Variants in IRF7 observed in about 807,000 individuals in gnomAD.
IRF7 encodes the protein interferon regulatory factor-7H.
In IRF7, 67 loss-of-function variants were observed where a neutral mutation model predicts 51.3. The ratio of observed to expected loss-of-function variants is 1.31; its 90% CI spans 1.07 to 1.60. The LOEUF (loss-of-function observed/expected upper bound fraction) is 1.60. Among genes scored for constraint, IRF7 ranks in the 40% most tolerant of loss-of-function variants. The pLI, the probability that IRF7 is intolerant of heterozygous loss-of-function variation, is 0.00. For synonymous variants in IRF7, 427 were observed against 301.3 expected (o/e 1.42, Z -4.32); for missense variants, 873 against 701.5 (o/e 1.24, Z -2.76).
intron 6 of IRF7, 43 bp from the exon 7 acceptor site, chr11:614,080 T>G (rs1856659073): frequency 1.9e-6 from 3 of 1,584,390 alleles, no homozygotes; most frequent in Non-Finnish European, 2.6e-6. Flanking sequence ...CCCTCCTAAT[T>G]CTCCAGCTCC....
rs539802829 is a variant in IRF7, at chr11:614,111, A to G, written c.679+63T>C. 7.8e-5 allele frequency: 123 copies of G among 1,579,400 alleles called. No homozygotes were observed. The South Asian group carries it at 1.3e-3, about 16-fold the overall frequency. On this transcript the variant is annotated intron_variant, in intron 6 of 10. Coordinates refer to ENST00000525445, the MANE Select transcript of IRF7 (RefSeq NM_001572.5). Reference sequence around the variant, plus strand: ...GCTCCCCAATCCCCAGCCCCCTTCTAAAGTGTCCGTCCAGGTGCACTGGCC... The same window carrying G: ...GCTCCCCAATCCCCAGCCCCCTTCTGAAGTGTCCGTCCAGGTGCACTGGCC...
intron 10 of IRF7, 73 bp from the exon 11 acceptor site, chr11:612,873 G>C (rs1382085498): frequency 7.6e-6 from 12 of 1,587,998 alleles, no homozygotes; most frequent in Non-Finnish European, 1.0e-5. Context: ...GGCTCTGAGG[G>C]CGTCGGGCGT....
intron 10 of IRF7, 64 bp from the exon 11 acceptor site, chr11:612,864 G>A: frequency 6.3e-7 from 1 of 1,589,418 alleles, no homozygotes; most frequent in Non-Finnish European, 8.6e-7. Context: ...CCCTCCCCAG[G>A]CTCTGAGGGC....
In IRF7 at chr11:615,204, A is replaced by T. The variant is rs1856769801; in HGVS notation, c.76T>A (p.Cys26Ser). Residue 26 changes from cysteine (C) to serine (S), a missense_variant, in exon 3 of 11, where the codon TGC becomes AGC. Cys to Ser is a moderately radical substitution (Grantham distance 112). Coordinates refer to ENST00000525445, the MANE Select transcript of IRF7 (RefSeq NM_001572.5). Reference sequence around the variant, plus strand: ...TCCAGCCACTGCAGCCCCTCATAGCAGCCGCTGCTGATCTCTCCAAGGAGC... The same window carrying T: ...TCCAGCCACTGCAGCCCCTCATAGCTGCCGCTGCTGATCTCTCCAAGGAGC... The part of the protein sequence containing the change: ...EWLLGEISSG[C>S]YEGLQWLDEA... The T allele has an allele frequency of 1.2e-6, 2 of 1,600,656 alleles. No homozygotes were observed. The highest frequency in any genetic ancestry group is 1.7e-6 in the Non-Finnish European group (2 of 1,177,380).
chr11:615,519 C>A lies in IRF7; in HGVS notation c.-155G>T. On this transcript the variant is annotated 5_prime_UTR_variant, in exon 2 of 11. Transcript: ENST00000525445. ...TGGACTGAGGGCTTGTAGCCACCGA[C>A]GCTGCCTCGGTATGGATCTCTTGGC... The A allele has an allele frequency of 1.2e-6, 1 of 811,560 alleles. No individual in the cohort carries two copies. 50.3% of individuals were successfully genotyped at this position (811,560 alleles called of 1,614,324 possible).
At position 613,814 on chromosome 11, in the gene IRF7, G is replaced by C. The variant is rs1204186673; in HGVS notation, c.818C>G (p.Pro273Arg). The C allele has an allele frequency of 6.3e-7, 1 of 1,578,698 alleles. No individual in the cohort carries two copies. Among genetic ancestry groups the C allele is most frequent in the Non-Finnish European group, 8.6e-7 (1 of 1,169,314 alleles). Residue 273 changes from proline (P) to arginine (R), a missense_variant, in exon 8 of 11, where the codon CCC becomes CGC. Physicochemically the swap from Pro to Arg is moderately radical, Grantham distance 103. Coordinates refer to ENST00000525445, the MANE Select transcript of IRF7 (RefSeq NM_001572.5). ...CACCGCGGTGCAGGCGCTTGGGGAG[G>C]GTGACAGGTACGGCTCTGCCTGGTG... is the stretch of plus-strand genomic sequence containing the variant. ...SPHQAEPYLS[P>R]SPSACTAVQE...
At chr11:615,670 G>A (rs994788584) in intron 1 of IRF7, 23 bp from the exon 2 acceptor site, 15 of 394,928 alleles carry the variant, frequency 3.8e-5, no homozygotes, top group Non-Finnish European at 5.8e-5. Context: ...GAAAGGCGAC[G>A]TCAGGGGCGG....
At position 613,501 on chromosome 11, in the gene IRF7, G is replaced by A. The variant is rs763403132; in HGVS notation, c.942C>T (p.Tyr314=). The A allele has an allele frequency of 1.9e-6, 3 of 1,552,362 alleles. No individual in the cohort carries two copies. The highest frequency in any genetic ancestry group is 1.7e-6 in the Non-Finnish European group (2 of 1,152,088). The change falls in exon 9 of 11, where the codon TAC becomes TAT. Residue 314 remains tyrosine (Y), a synonymous_variant. Transcript: ENST00000525445. The part of the protein sequence containing the change: ...VVGHPSCTFL[Y]GPPDPAVRAT... ...CCCGGACAGCTGGGTCTGGGGGGCCGTATAGGAACGTGCAGCTCGGGTGTC... is the reference window on the plus strand; with the variant it reads ...CCCGGACAGCTGGGTCTGGGGGGCCATATAGGAACGTGCAGCTCGGGTGTC...
At chr11:614,748 T>C (rs1466428581) in intron 4 of IRF7, 49 bp downstream of exon 4, 35 of 1,500,358 alleles carry the variant, frequency 2.3e-5, no homozygotes, top group Non-Finnish European at 3.1e-5. Flanking sequence ...TGTTCCCCTT[T>C]GCCCAAGCAG....
rs1856773081 is a variant in IRF7, at chr11:615,248, C to G, written c.32G>C (p.Arg11Pro). 6.3e-7 allele frequency: 1 copy of G among 1,582,624 alleles called. No individual in the cohort carries two copies. The highest frequency in any genetic ancestry group is 8.6e-7 in the Non-Finnish European group (1 of 1,169,550). The stretch of plus-strand genomic sequence containing the variant: ...AAGGAGCCACTCTCCGAACAGCACG[C>G]GTGGGGCTGCCCTGCGGGTGCCCGG... MALAPERAAP[R>P]VLFGEWLLGE... is the part of the protein sequence containing the mutation. Residue 11 changes from arginine (R) to proline (P), a missense_variant, in exon 3 of 11, where the codon CGC becomes CCC. Arg to Pro is a moderately radical substitution (Grantham distance 103). Coordinates refer to ENST00000525445, the MANE Select transcript of IRF7 (RefSeq NM_001572.5).
At chr11:612,900 G>A in intron 10 of IRF7, 99 bp downstream of exon 10, 1 of 1,587,530 alleles carries the variant, frequency 6.3e-7, no homozygotes, top group Admixed American at 1.7e-5. Flanking sequence ...GTGACCCGGT[G>A]TATGGCCTCC....
intron 8 of IRF7, 43 bp downstream of exon 8, chr11:613,742 G>C: frequency 9.3e-7 from 1 of 1,080,090 alleles, no homozygotes; most frequent in East Asian, 3.6e-5. Flanking sequence ...GTGAGTGACG[G>C]GGGTGGGCGG....
intron 8 of IRF7, 25 bp downstream of exon 8, chr11:613,760 C>T (rs752185452): frequency 2.7e-6 from 4 of 1,486,390 alleles, no homozygotes; most frequent in African/African-American, 1.4e-5. Context: ...CGGGGACAGG[C>T]TGCCCCTTCC....
In IRF7 at chr11:613,533, C is replaced by T. The variant is rs1377860641; in HGVS notation, c.910G>A (p.Val304Met). 6.4e-7 allele frequency: 1 copy of T among 1,572,164 alleles called. No individual in the cohort carries two copies. Among genetic ancestry groups the T allele is most frequent in the South Asian group, 1.2e-5 (1 of 84,118 alleles). ...AACGTGCAGCTCGGGTGTCCCACCA[C>T]CTTCTGCAGCACCGTGCGGCCCTTG... ...MYKGRTVLQK[V>M]VGHPSCTFLY... is the part of the protein sequence containing the mutation. Residue 304 changes from valine to methionine, a missense_variant, in exon 9 of 11, where the codon GTG (valine) becomes ATG (methionine). Val to Met is a conservative substitution (Grantham distance 21). Coordinates refer to ENST00000525445, the MANE Select transcript of IRF7 (RefSeq NM_001572.5).
rs755499829 is a variant in IRF7, at chr11:614,251, C to A, written c.602G>T (p.Trp201Leu). ...CTTGGTTGGGACTGGATCTGCCCCC[C>A]ATGACGCTGTCAGCAGATGGTCTGC... ...CLADHLLTAS[W>L]GADPVPTKAP... Residue 201 changes from tryptophan to leucine, a missense_variant, in exon 6 of 11, where the codon TGG becomes TTG. By Grantham distance (61) the Trp-to-Leu change is moderately conservative. Transcript: ENST00000525445. 1.7e-5 allele frequency: 28 copies of A among 1,612,728 alleles called. No homozygotes were observed. The highest frequency in any genetic ancestry group is 2.2e-5 in the Non-Finnish European group (26 of 1,179,836).
At position 612,800 on chromosome 11, in the gene IRF7, G is replaced by T; in HGVS notation, c.1357C>A (p.Leu453Met). The change falls in exon 11 of 11, where the codon CTG becomes ATG. Residue 453 changes from leucine to methionine, a missense_variant and splice_region_variant. Coordinates refer to ENST00000525445, the MANE Select transcript of IRF7 (RefSeq NM_001572.5). Reference protein sequence around the residue: ...PKEKSLVLVKLEPWLCRVHLE... With the variant: ...PKEKSLVLVKMEPWLCRVHLE... Reference sequence around the variant, plus strand: ...TGCACTCGGCACAGCCAGGGTTCCAGCTGCCAGGAGGGATCGGGCGTCTGT... The same window carrying T: ...TGCACTCGGCACAGCCAGGGTTCCATCTGCCAGGAGGGATCGGGCGTCTGT... 1 of 1,607,604 alleles carries T rather than the reference G, an allele frequency of 6.2e-7. No homozygotes were observed. Among genetic ancestry groups the T allele is most frequent in the East Asian group, 2.2e-5 (1 of 44,724 alleles).
chr11:612,956 G>A, intron 10 of IRF7, 43 bp downstream of exon 10: 2 of 1,596,454 alleles, frequency 1.3e-6, no homozygotes, highest in Non-Finnish European at 8.6e-7. Flanking sequence ...TCTGTCAGTG[G>A]GCCTGAGCAC....
chr11:613,781 TCA>T lies in IRF7; in HGVS notation c.847+2_847+3del. 1 of 1,547,824 alleles carries T rather than the reference TCA, an allele frequency of 6.5e-7. No homozygotes were observed. Among genetic ancestry groups the T allele is most frequent in the Admixed American group, 2.2e-5 (1 of 44,670 alleles). ...CAGGCTGCCCCTTCCTGGGATGCAC[TCA>T]CCTTGCACCGCGGTGCAGGCGCTTG... On this transcript the variant is annotated splice_donor_variant and splice_donor_region_variant and intron_variant, in intron 8 of 10. Coordinates refer to ENST00000525445, the MANE Select transcript of IRF7 (RefSeq NM_001572.5). LOFTEE classifies it high-confidence loss of function.
In IRF7 at chr11:613,421, T is replaced by G; in HGVS notation, c.1022A>C (p.Lys341Thr). 6.4e-7 allele frequency: 1 copy of G among 1,569,278 alleles called. No individual in the cohort carries two copies. The highest frequency in any genetic ancestry group is 8.6e-7 in the Non-Finnish European group (1 of 1,157,970). ...FPSPAELPDQ[K>T]QLRYTEELLR... is the part of the protein sequence containing the mutation. ...CAGTTCCTCCGTGTAGCGCAGCTGC[T>G]TCTGGTCCGGGAGCTCGGCAGGGCT... The change falls in exon 9 of 11, where the codon AAG (lysine) becomes ACG (threonine). Residue 341 changes from lysine (K) to threonine (T), a missense_variant. Coordinates refer to ENST00000525445, the MANE Select transcript of IRF7 (RefSeq NM_001572.5).
Sources: gnomAD v4.1 joint callset for allele counts on GRCh38, gnomAD v4.1.1 for gene constraint, MANE v1.5 for transcripts, NCBI Gene and HGNC (gene_info 2026-07-23, HGNC 2026-07-21) for gene names.